Variants in TSPAN9 observed in about 807,000 individuals in gnomAD.
The protein encoded by TSPAN9 is tetraspanin 9, also known as tetraspanin-9.
TSPAN9 carries 16 observed loss-of-function variants against 31.0 expected under a neutral mutation model. That is an observed-to-expected ratio of 0.52 (90% CI 0.35 to 0.78). The LOEUF is 0.78. TSPAN9 is among the 30% of genes least tolerant of loss of function. TSPAN9 has a pLI of 0.01. For synonymous variants in TSPAN9, 145 were observed against 121.6 expected, an observed-to-expected ratio of 1.19 and a Z score of -1.27; for missense variants, 272 against 312.5, an observed-to-expected ratio of 0.87 and a Z score of 0.98.
chr12:3,178,716 G>C (rs913967585), intron 2 of TSPAN9, among the ~76,000 whole-genome samples: 1 of 152,210 alleles, frequency 6.6e-6, no homozygotes, highest in Non-Finnish European at 1.5e-5. Flanking sequence ...CAACGAGACG[G>C]GTGGTGTAGA....
intron 3 of TSPAN9, among the ~76,000 whole-genome samples, chr12:3,267,491 C>T (rs1246947184): frequency 1.3e-5 from 2 of 152,200 alleles, no homozygotes; most frequent in Non-Finnish European, 2.9e-5. Context: ...ATGGTTCTGC[C>T]TTCTCTGGGA....
Position 3,168,664 on chromosome 12 carries a change from C to T in TSPAN9, c.-17-32513C>T, listed in dbSNP as rs11836144. ...CGAATGGATGTCTCAAGAGCAGTTA[C>T]AGGCATTGGGAAAAAATTGAGCTCT... On this transcript the variant is annotated intron_variant, in intron 2 of 8. Transcript: ENST00000011898. This position sits in a 1 kb window ranked among gnomAD's most constrained non-coding sequence, Gnocchi z 4.0. 0.031 allele frequency among the ~76,000 whole-genome samples: 4,795 copies of T among 152,258 alleles called. 256 individuals are homozygous for T. The highest frequency in any genetic ancestry group is 0.11 in the African/African-American group (4,537 of 41,522).
chr12:3,121,626 C>T (rs1416391241), intron 2 of TSPAN9, among the ~76,000 whole-genome samples: 2 of 138,084 alleles, frequency 1.4e-5, no homozygotes. Context: ...GATCCTCCTG[C>T]CTTGGCCTCC....
intron 3 of TSPAN9, among the ~76,000 whole-genome samples, chr12:3,259,702 T>C (rs1021936549): frequency 6.6e-6 from 1 of 152,244 alleles, no homozygotes; most frequent in African/African-American, 2.4e-5. Context: ...AACAGAGTGA[T>C]GGGCCTCGGA....
intron 3 of TSPAN9, among the ~76,000 whole-genome samples, chr12:3,260,305 C>G (rs919791261): frequency 1.3e-5 from 2 of 152,236 alleles, no homozygotes; most frequent in African/African-American, 4.8e-5. Flanking sequence ...CATTAGCAGT[C>G]CCTGTTGTCA....
At chr12:3,095,871 G>A (rs1172429845) in intron 2 of TSPAN9, among the ~76,000 whole-genome samples, 1 of 146,448 alleles carries the variant, frequency 6.8e-6, no homozygotes, top group African/African-American at 2.6e-5. Context: ...CAGGCAGAGG[G>A]GCTCCTCACA....
intron 3 of TSPAN9, among the ~76,000 whole-genome samples, chr12:3,240,333 G>A (rs544814470): frequency 1.4e-5 from 2 of 140,222 alleles, no homozygotes; most frequent in South Asian, 2.2e-4. Context: ...AGGCCAGGTG[G>A]GGGAGCAGCC....
At chr12:3,199,174 C>T (rs958693821) in intron 2 of TSPAN9, among the ~76,000 whole-genome samples, 1 of 152,216 alleles carries the variant, frequency 6.6e-6, no homozygotes, top group Non-Finnish European at 1.5e-5. Context: ...GAGGACTTTT[C>T]ACACCCACCG....
intron 2 of TSPAN9, among the ~76,000 whole-genome samples, chr12:3,161,809 ATCTATCTG>A (rs1285504939): frequency 9.3e-4 from 139 of 150,234 alleles, no homozygotes; most frequent in African/African-American, 3.0e-3. Flanking sequence ...CTATCTATCT[ATCTATCTG>A]TCTGTCTGTT....
chr12:3,182,759 G>C (rs2098359124), intron 2 of TSPAN9, among the ~76,000 whole-genome samples: 1 of 152,164 alleles, frequency 6.6e-6, no homozygotes, highest in African/African-American at 2.4e-5. Context: ...ACCAGGCGGG[G>C]ATCTGTGACT....
At chr12:3,140,581 G>A (rs963536959) in intron 2 of TSPAN9, among the ~76,000 whole-genome samples, 1 of 152,108 alleles carries the variant, frequency 6.6e-6, no homozygotes, top group Non-Finnish European at 1.5e-5. Context: ...TTTTAGATTT[G>A]GTATGGGGTG....
chr12:3,105,079 G>C (rs542048157), intron 2 of TSPAN9, among the ~76,000 whole-genome samples: 25 of 152,328 alleles, frequency 1.6e-4, no homozygotes, highest in African/African-American at 5.5e-4. Flanking sequence ...ATGAGGGGAG[G>C]CTGCCTGGGG....
At chr12:3,118,550 C>T (rs1249424150) in intron 2 of TSPAN9, among the ~76,000 whole-genome samples, 2 of 151,886 alleles carry the variant, frequency 1.3e-5, no homozygotes, top group Non-Finnish European at 2.9e-5. Context: ...CATGAGCCAC[C>T]GCTCCTGGCC....
At chr12:3,185,380 G>C (rs765914352) in intron 2 of TSPAN9, among the ~76,000 whole-genome samples, 17 of 152,144 alleles carry the variant, frequency 1.1e-4, no homozygotes, top group Admixed American at 2.0e-4. Context: ...GGCAGGGTGG[G>C]GCTAGGAGTC....
rs576340833 is a variant in TSPAN9, at chr12:3,169,048, A to T, written c.-17-32129A>T. Among the ~76,000 whole-genome samples, 15 of 152,296 alleles carry T rather than the reference A, an allele frequency of 9.8e-5. No individual in the cohort carries two copies. The South Asian group carries it at 1.9e-3, about 19-fold the overall frequency. On this transcript the variant is annotated intron_variant, in intron 2 of 8. Transcript: ENST00000011898. ...CCCCTGGCAACAGTCTGCCAGGATG[A>T]GACTATGGGGCAGCCAGAGGAGAGA...
intron 3 of TSPAN9, among the ~76,000 whole-genome samples, chr12:3,202,418 G>T (rs1025088512): frequency 6.6e-6 from 1 of 152,204 alleles, no homozygotes; most frequent in Non-Finnish European, 1.5e-5. Context: ...CACATTAGCC[G>T]AAACACTTTT....
intron 2 of TSPAN9, among the ~76,000 whole-genome samples, chr12:3,137,672 C>T (rs2098332742): frequency 6.6e-6 from 1 of 152,182 alleles, no homozygotes; most frequent in African/African-American, 2.4e-5. Flanking sequence ...TGCGTCCTCC[C>T]TGTTGTGCTC....
intron 2 of TSPAN9, among the ~76,000 whole-genome samples, chr12:3,191,330 T>G (rs1483489601): frequency 6.6e-6 from 1 of 152,188 alleles, no homozygotes; most frequent in Non-Finnish European, 1.5e-5. Flanking sequence ...GTGGAGCGTG[T>G]GGGTGCCTCC....
At position 3,198,379 on chromosome 12, in the gene TSPAN9, C is replaced by T. The variant is rs111164782; in HGVS notation, c.-17-2798C>T. On this transcript the variant is annotated intron_variant, in intron 2 of 8. Coordinates refer to ENST00000011898, the MANE Select transcript of TSPAN9 (RefSeq NM_006675.5). Reference sequence around the variant, plus strand: ...CAGCACAGGCCACCACCAGCACAGGCCACCACCAGCACAGGTCACCACCAG... The same window carrying T: ...CAGCACAGGCCACCACCAGCACAGGTCACCACCAGCACAGGTCACCACCAG... 3.8e-3 allele frequency among the ~76,000 whole-genome samples: 271 copies of T among 71,604 alleles called. 1 individual carries two copies. The highest frequency in any genetic ancestry group is 0.014 in the African/African-American group (227 of 16,566). The allele number at this position is 71,604 out of a possible 152,430, so 47.0% of individuals were successfully genotyped here.
Sources: gnomAD v4.1 joint callset for allele counts (sites outside exome capture counted in the v4.1 genomes callset) on GRCh38, gnomAD v4.1.1 for gene constraint, Gnocchi (gnomAD v3.1) non-coding constraint, MANE v1.5 for transcripts, NCBI Gene and HGNC (gene_info 2026-07-23, HGNC 2026-07-21) for gene names.